Variants in DAB1 observed in about 807,000 individuals in gnomAD.
The protein encoded by DAB1 is disabled homolog 1.
A neutral mutation model predicts 64.6 loss-of-function variants in DAB1; 15 were observed. The ratio of observed to expected loss-of-function variants is 0.23; its 90% CI spans 0.16 to 0.36. DAB1 has a LOEUF of 0.36. Among genes scored for constraint, DAB1 ranks in the 10% least tolerant of loss-of-function variants. The pLI, the probability that DAB1 is intolerant of heterozygous loss-of-function variation, is 1.00. For synonymous variants in DAB1, 235 were observed against 251.9 expected (o/e 0.93, Z 0.64); for missense variants, 596 against 706.7 (o/e 0.84, Z 1.78).
chr1:57,516,443 AC>A (rs1644464694), intron 7 of DAB1, among the ~76,000 whole-genome samples: 2 of 152,162 alleles, frequency 1.3e-5, no homozygotes, highest in African/African-American at 4.8e-5. Flanking sequence ...GTGTATTTAC[AC>A]CCCCATAAGT....
chr1:57,377,884 T>G (rs895856967), intron 1 of DAB1, among the ~76,000 whole-genome samples: 3 of 152,062 alleles, frequency 2.0e-5, no homozygotes, highest in Admixed American at 2.0e-4. Context: ...GAAGGAGCAG[T>G]TATAGAATCT....
At chr1:57,071,325 T>A (rs1197778238) in intron 6 of DAB1, 197 bp downstream of exon 6, 2 of 702,176 alleles carry the variant, frequency 2.8e-6, no homozygotes, top group Admixed American at 6.5e-5. Flanking sequence ...AGATTTCACT[T>A]CATCTAACAT....
At chr1:57,538,251 C>T (rs1644754515) in intron 7 of DAB1, among the ~76,000 whole-genome samples, 1 of 152,140 alleles carries the variant, frequency 6.6e-6, no homozygotes, top group Admixed American at 6.5e-5. Context: ...CTACCTCTGG[C>T]TTTTACTGTG....
chr1:58,521,014 T>C (rs1434707354), intron 2 of DAB1, among the ~76,000 whole-genome samples: 1 of 152,172 alleles, frequency 6.6e-6, no homozygotes, highest in Non-Finnish European at 1.5e-5. Context: ...CAAGTGCACG[T>C]CATTTTGACA....
At chr1:57,446,415 C>T (rs1001119736) in intron 7 of DAB1, among the ~76,000 whole-genome samples, 7 of 151,984 alleles carry the variant, frequency 4.6e-5, no homozygotes, top group African/African-American at 1.4e-4. Flanking sequence ...CTCACCCACA[C>T]GGAGAAACTC....
chr1:57,256,054 G>A (rs999397787), intron 2 of DAB1, among the ~76,000 whole-genome samples: 1 of 152,150 alleles, frequency 6.6e-6, no homozygotes, highest in Non-Finnish European at 1.5e-5. Flanking sequence ...CCTGTGCGTT[G>A]TTATCAGCAC....
At chr1:58,416,909 TA>T (rs2100213911) in intron 3 of DAB1, among the ~76,000 whole-genome samples, 1 of 152,266 alleles carries the variant, frequency 6.6e-6, no homozygotes, top group Non-Finnish European at 1.5e-5. Flanking sequence ...GACTTAGTAT[TA>T]AAAAAAGAAT....
chr1:57,841,764 C>T (rs542603926), intron 1 of DAB1, among the ~76,000 whole-genome samples: 1 of 152,312 alleles, frequency 6.6e-6, no homozygotes, highest in East Asian at 1.9e-4. Flanking sequence ...CCTCCTAGGC[C>T]TCTGGGTTTG....
chr1:57,108,767 C>T (rs1229830424), intron 4 of DAB1, among the ~76,000 whole-genome samples: 1 of 152,154 alleles, frequency 6.6e-6, no homozygotes, highest in Middle Eastern at 3.2e-3. Context: ...GCTGTTGAAA[C>T]TCCTACAGTG....
chr1:58,173,216 T>C (rs1656274361), intron 4 of DAB1, among the ~76,000 whole-genome samples: 1 of 152,132 alleles, frequency 6.6e-6, no homozygotes, highest in Admixed American at 6.5e-5. Flanking sequence ...TATAGTTTTC[T>C]CCCCTTGGGG....
At chr1:57,765,563 C>A (rs1649272943) in intron 6 of DAB1, among the ~76,000 whole-genome samples, 1 of 152,150 alleles carries the variant, frequency 6.6e-6, no homozygotes, top group African/African-American at 2.4e-5. Context: ...TCTCTTAAAG[C>A]CATTCCAGTC....
Position 57,342,816 on chromosome 1 carries a change from G to A in DAB1, c.-136-51650C>T, listed in dbSNP as rs902681665. Among the ~76,000 whole-genome samples the A allele has an allele frequency of 2.7e-5, 4 of 149,888 alleles. No individual in the cohort carries two copies. In the Admixed American group the frequency reaches 2.7e-4, roughly 10 times the overall value. On this transcript the variant is annotated intron_variant, in intron 1 of 14. Transcript: ENST00000371236. ...CAGCTCTTAAGGAGGCGTGTCTGGAGTTGTTGGTTCCTCGCGGTGGGTTCG... is the reference window on the plus strand; with the variant it reads ...CAGCTCTTAAGGAGGCGTGTCTGGAATTGTTGGTTCCTCGCGGTGGGTTCG...
In DAB1 at chr1:57,564,787, T is replaced by C. The variant is rs1185706756; in HGVS notation, n.625+84805A>G. Among the ~76,000 whole-genome samples the C allele has an allele frequency of 3.3e-5, 5 of 152,258 alleles. No homozygotes were observed. The East Asian group carries it at 7.7e-4, about 23-fold the overall frequency. ...TATGGGACTATGTGTAAAGACCAAATCTACGTCCAACTGGTGTACCTGAAA... is the reference window on the plus strand; with the variant it reads ...TATGGGACTATGTGTAAAGACCAAACCTACGTCCAACTGGTGTACCTGAAA... On this transcript the variant is annotated intron_variant and non_coding_transcript_variant, in intron 7 of 20. Coordinates refer to the DAB1 transcript ENST00000485760.
At chr1:57,711,273 A>C (rs911944204) in intron 6 of DAB1, among the ~76,000 whole-genome samples, 1 of 152,248 alleles carries the variant, frequency 6.6e-6, no homozygotes, top group African/African-American at 2.4e-5. Flanking sequence ...GAGCAAAGAC[A>C]GCTAGCCAGT....
intron 9 of DAB1, among the ~76,000 whole-genome samples, chr1:57,026,507 G>A (rs1482258765): frequency 6.6e-6 from 1 of 152,094 alleles, no homozygotes; most frequent in African/African-American, 2.4e-5. Flanking sequence ...CACCCTGAGA[G>A]GTAGGAATCA....
chr1:57,211,790 T>C (rs1471098063), intron 2 of DAB1, among the ~76,000 whole-genome samples: 4 of 152,086 alleles, frequency 2.6e-5, no homozygotes, highest in African/African-American at 9.7e-5. Context: ...CAAATAAAAA[T>C]ATAATACAGC....
chr1:57,493,554 G>A (rs1570570655), intron 7 of DAB1, among the ~76,000 whole-genome samples: 2 of 152,096 alleles, frequency 1.3e-5, no homozygotes, highest in Admixed American at 1.3e-4. Context: ...ATACATAGTT[G>A]CTTCCACCGT....
rs145965581 is a variant in DAB1, at chr1:58,015,396, C to T, written n.388-131234G>A. ...TGTCCCCCTCCCCCTAAACATGATA[C>T]TTAATTCTGTTTCTTGACTCTGAAG... is the stretch of plus-strand genomic sequence containing the variant. On this transcript the variant is annotated intron_variant and non_coding_transcript_variant, in intron 5 of 20. Transcript: ENST00000485760. Among the ~76,000 whole-genome samples, 1,048 of 152,258 alleles carry T rather than the reference C, an allele frequency of 6.9e-3. 14 individuals carry two copies. The highest frequency in any genetic ancestry group is 0.024 in the African/African-American group (1,003 of 41,534).
chr1:57,930,408 C>T (rs1363964244), intron 5 of DAB1, among the ~76,000 whole-genome samples: 1 of 152,146 alleles, frequency 6.6e-6, no homozygotes, highest in African/African-American at 2.4e-5. Flanking sequence ...TTGTCAATAT[C>T]CACAAAATAA....
Sources: allele counts gnomAD v4.1 joint callset (sites outside exome capture counted in the v4.1 genomes callset), GRCh38; gene constraint gnomAD v4.1.1; transcripts MANE v1.5; gene names NCBI Gene and HGNC (gene_info 2026-07-23, HGNC 2026-07-21).